STPG2: variants seen among roughly 807,000 people sequenced by gnomAD.
STPG2 encodes the protein sperm tail PG-rich repeat containing 2.
STPG2 carries 56 observed loss-of-function variants against 54.2 expected under a neutral mutation model. That is an observed-to-expected ratio of 1.03 (90% CI 0.83 to 1.29). The LOEUF (loss-of-function observed/expected upper bound fraction) is 1.29, where lower values mean the gene tolerates loss of function less well. Ranked by LOEUF, STPG2 falls within the 50% of genes most tolerant of loss-of-function variation. The pLI is 0.00. For synonymous variants in STPG2, 200 were observed against 181.8 expected (o/e 1.10, Z -0.81); for missense variants, 596 against 544.9 (o/e 1.09, Z -0.93).
At chr4:97,965,802 C>A (rs760131597) in intron 7 of STPG2, among the ~76,000 whole-genome samples, 1 of 152,246 alleles carries the variant, frequency 6.6e-6, no homozygotes, top group African/African-American at 2.4e-5. Context: ...AACTAACAAA[C>A]AAAAAGGAAT....
chr4:97,760,870 G>A (rs1725870900), intron 9 of STPG2, among the ~76,000 whole-genome samples: 1 of 152,078 alleles, frequency 6.6e-6, no homozygotes, highest in African/African-American at 2.4e-5. Context: ...TTTCTTTCAG[G>A]AGGCTCTAGG....
intron 9 of STPG2, among the ~76,000 whole-genome samples, chr4:97,724,624 T>C (rs1276111712): frequency 6.6e-6 from 1 of 152,164 alleles, no homozygotes; most frequent in Non-Finnish European, 1.5e-5. Flanking sequence ...ATTTTTTAAA[T>C]TTGCTATATG....
chr4:97,629,518 G>A (rs1721191361), intron 10 of STPG2, among the ~76,000 whole-genome samples: 1 of 151,870 alleles, frequency 6.6e-6, no homozygotes, highest in Non-Finnish European at 1.5e-5. Flanking sequence ...TGTGAATCTT[G>A]AACATGCACT....
At chr4:97,446,789 C>T (rs908175178) in intron 4 of STPG2, among the ~76,000 whole-genome samples, 2 of 152,206 alleles carry the variant, frequency 1.3e-5, no homozygotes, top group African/African-American at 4.8e-5. Flanking sequence ...CCCAAGGCCT[C>T]CCCAGCCATG....
intron 10 of STPG2, among the ~76,000 whole-genome samples, chr4:97,575,870 T>C (rs1224070913): frequency 8.5e-5 from 13 of 152,158 alleles, no homozygotes; most frequent in Admixed American, 6.6e-4. Flanking sequence ...AATAGCCTAA[T>C]GGCTCTGCCA....
intron 10 of STPG2, among the ~76,000 whole-genome samples, chr4:97,641,446 C>A (rs1268898878): frequency 6.6e-6 from 1 of 150,874 alleles, no homozygotes; most frequent in African/African-American, 2.4e-5. Flanking sequence ...ATAAACATAC[C>A]CACACAGACA....
intron 9 of STPG2, among the ~76,000 whole-genome samples, chr4:97,833,511 C>A (rs1249745531): frequency 6.6e-6 from 1 of 152,068 alleles, no homozygotes; most frequent in Non-Finnish European, 1.5e-5. Flanking sequence ...CAAATGGGAT[C>A]TAATTAAACT....
intron 7 of STPG2, among the ~76,000 whole-genome samples, chr4:97,969,760 G>A (rs1421263176): frequency 6.6e-6 from 1 of 152,182 alleles, no homozygotes; most frequent in Admixed American, 6.5e-5. Flanking sequence ...ACAAGACAGG[G>A]ATGCCCTCTC....
chr4:97,801,421 CA>C (rs1213967367), intron 9 of STPG2, among the ~76,000 whole-genome samples: 1 of 152,202 alleles, frequency 6.6e-6, no homozygotes, highest in Non-Finnish European at 1.5e-5. Flanking sequence ...ATCCCTTCAT[CA>C]ACCCTAATAC....
rs35130632 is a variant in STPG2 at position 98,045,102 on chromosome 4, GAA to G, written c.612+60849_612+60850del. 4.9e-3 allele frequency among the ~76,000 whole-genome samples: 706 copies of G among 144,296 alleles called. 3 individuals carry two copies. The highest frequency in any genetic ancestry group is 0.026 in the South Asian group (121 of 4,570). The allele number at this position is 144,296 out of a possible 152,430, so 94.7% of individuals were successfully genotyped here. The stretch of plus-strand genomic sequence containing the variant: ...CTTCCTACAGAGATGACTTTAAAAG[GAA>G]AAAAAAAAAAGGAAAAACAACACCC... On this transcript the variant is annotated intron_variant, in intron 5 of 10. Transcript: ENST00000295268.
chr4:97,910,393 T>G (rs903271668), intron 8 of STPG2, among the ~76,000 whole-genome samples: 1 of 152,208 alleles, frequency 6.6e-6, no homozygotes, highest in Non-Finnish European at 1.5e-5. Context: ...AAAAGACTCA[T>G]AGGTGAAACT....
At chr4:97,745,075 A>C (rs1023849071) in intron 9 of STPG2, among the ~76,000 whole-genome samples, 1 of 151,198 alleles carries the variant, frequency 6.6e-6, no homozygotes, top group African/African-American at 2.4e-5. Context: ...TATTTGGTCA[A>C]TCTAAAATTA....
chr4:97,880,408 A>T (rs868358145), intron 8 of STPG2, among the ~76,000 whole-genome samples: 1 of 152,214 alleles, frequency 6.6e-6, no homozygotes, highest in South Asian at 2.1e-4. Flanking sequence ...ACAGAATGAA[A>T]GAAGATTGTC....
intron 9 of STPG2, among the ~76,000 whole-genome samples, chr4:97,764,257 G>C (rs1725975797): frequency 6.6e-6 from 1 of 151,842 alleles, no homozygotes. Context: ...TTAACCTCAA[G>C]ACTAGAACAG....
intron 4 of STPG2, among the ~76,000 whole-genome samples, chr4:97,462,867 T>C (rs1412653292): frequency 2.0e-5 from 3 of 152,114 alleles, no homozygotes. Flanking sequence ...AGAACTCCAG[T>C]ATAGAATTGA....
chr4:97,672,684 G>A (rs1722736547), intron 10 of STPG2, among the ~76,000 whole-genome samples: 1 of 152,130 alleles, frequency 6.6e-6, no homozygotes, highest in Non-Finnish European at 1.5e-5. Flanking sequence ...TCAAAGGAAA[G>A]GACTTTTAGG....
intron 5 of STPG2, among the ~76,000 whole-genome samples, chr4:98,002,388 C>T (rs752991538): frequency 6.6e-6 from 1 of 151,988 alleles, no homozygotes; most frequent in Non-Finnish European, 1.5e-5. Context: ...ATTATATTCA[C>T]AAGTTAGTGA....
chr4:97,622,051 G>A (rs1241474514), intron 10 of STPG2, among the ~76,000 whole-genome samples: 1 of 152,104 alleles, frequency 6.6e-6, no homozygotes, highest in Non-Finnish European at 1.5e-5. Flanking sequence ...AATAGAGGCA[G>A]AAAACAGTTA....
chr4:98,043,599 C>T (rs1424998696), intron 5 of STPG2, among the ~76,000 whole-genome samples: 1 of 152,026 alleles, frequency 6.6e-6, no homozygotes, highest in Non-Finnish European at 1.5e-5. Flanking sequence ...TTTACCTCTC[C>T]TCCCGCATAT....
Sources: gnomAD v4.1 joint callset for allele counts (sites outside exome capture counted in the v4.1 genomes callset) on GRCh38, gnomAD v4.1.1 for gene constraint, MANE v1.5 for transcripts, NCBI Gene and HGNC (gene_info 2026-07-23, HGNC 2026-07-21) for gene names.